The following SRGAP3 variants were observed in gnomAD, a reference collection of about 807,000 sequenced individuals.
SRGAP3 encodes SLIT-ROBO Rho GTPase-activating protein 3.
SRGAP3 carries 39 observed loss-of-function variants against 121.1 expected under a neutral mutation model. The observed-to-expected ratio is 0.32, with a 90% CI of 0.25 to 0.42. SRGAP3 has a LOEUF of 0.42. Ranked by LOEUF, SRGAP3 falls within the 10% of genes least tolerant of loss-of-function variation. The pLI is 1.00. For synonymous variants in SRGAP3, 601 were observed against 570.0 expected (o/e 1.05, Z -0.77); for missense variants, 1,213 against 1,470.6 (o/e 0.82, Z 2.86).
At chr3:9,352,707 G>C (rs547015934) in intron 1 of SRGAP3, among the ~76,000 whole-genome samples, 4 of 152,260 alleles carry the variant, frequency 2.6e-5, no homozygotes, top group South Asian at 2.1e-4. Flanking sequence ...CTGCAGCTGG[G>C]GTCAGGCCAC....
At chr3:9,049,635 G>C (rs1330395834) in intron 9 of SRGAP3, among the ~76,000 whole-genome samples, 3 of 152,162 alleles carry the variant, frequency 2.0e-5, no homozygotes, top group African/African-American at 2.4e-5. Context: ...AACCAGCTGG[G>C]GAGACTGTCA....
At chr3:9,092,761 A>C (rs1346955353) in intron 3 of SRGAP3, among the ~76,000 whole-genome samples, 1 of 152,190 alleles carries the variant, frequency 6.6e-6, no homozygotes, top group Non-Finnish European at 1.5e-5. Context: ...TAAATGTCAG[A>C]TAACATACAG....
chr3:9,287,241 C>G (rs1299013547), intron 3 of SRGAP3, among the ~76,000 whole-genome samples: 3 of 152,214 alleles, frequency 2.0e-5, no homozygotes, highest in South Asian at 4.2e-4. Flanking sequence ...ATCCTCCCAC[C>G]TCACCCTCGT....
At chr3:9,256,779 T>C (rs995725191) in intron 3 of SRGAP3, 1 of 398,604 alleles carries the variant, frequency 2.5e-6, no homozygotes, top group Admixed American at 4.4e-5. Flanking sequence ...ATTCTGCCCC[T>C]GTGGAGGAGA....
intron 1 of SRGAP3, among the ~76,000 whole-genome samples, chr3:9,232,130 A>T (rs898905057): frequency 6.6e-6 from 1 of 152,226 alleles, no homozygotes; most frequent in East Asian, 1.9e-4. Flanking sequence ...GTTTCATTTC[A>T]GCAATCATCC....
intron 3 of SRGAP3, among the ~76,000 whole-genome samples, chr3:9,283,052 C>T (rs111745225): frequency 0.026 from 3,960 of 151,182 alleles, 162 homozygotes; most frequent in African/African-American, 0.09. Flanking sequence ...GCGATTCTCC[C>T]GCCTCAGCCT....
At chr3:9,089,127 G>A (rs978924970) in intron 3 of SRGAP3, among the ~76,000 whole-genome samples, 3 of 151,958 alleles carry the variant, frequency 2.0e-5, no homozygotes, top group Admixed American at 1.3e-4. Flanking sequence ...AATGAGACAC[G>A]GTCCCTGCTC....
intron 1 of SRGAP3, among the ~76,000 whole-genome samples, chr3:9,344,327 T>A (rs1211494207): frequency 6.6e-6 from 1 of 152,148 alleles, no homozygotes; most frequent in Non-Finnish European, 1.5e-5. Flanking sequence ...TTGTGGTGGG[T>A]GCCTGTAATT....
At chr3:9,182,546 A>G (rs1342493310) in intron 1 of SRGAP3, among the ~76,000 whole-genome samples, 7 of 152,206 alleles carry the variant, frequency 4.6e-5, no homozygotes, top group Admixed American at 4.6e-4. Flanking sequence ...CAAAACCATG[A>G]GACAATACAT....
chr3:9,022,054 C>T (rs1209233343), intron 14 of SRGAP3, among the ~76,000 whole-genome samples: 5 of 150,840 alleles, frequency 3.3e-5, no homozygotes, highest in Middle Eastern at 3.5e-3. Context: ...ACTGGCCAGG[C>T]GCAGTGGCTC....
At chr3:9,210,073 T>C (rs1001771127) in intron 1 of SRGAP3, among the ~76,000 whole-genome samples, 4 of 151,772 alleles carry the variant, frequency 2.6e-5, no homozygotes, top group Non-Finnish European at 5.9e-5. Flanking sequence ...CGTTGTGTGA[T>C]TCCATTTATA....
At chr3:9,011,620 C>G (rs759345810) in intron 17 of SRGAP3, among the ~76,000 whole-genome samples, 1 of 152,232 alleles carries the variant, frequency 6.6e-6, no homozygotes, top group East Asian at 1.9e-4. Flanking sequence ...TTCCCTAGAT[C>G]GGCTCAGGGA....
chr3:9,350,224 C>G (rs566275167), intron 1 of SRGAP3, among the ~76,000 whole-genome samples: 1 of 152,314 alleles, frequency 6.6e-6, no homozygotes, highest in South Asian at 2.1e-4. Flanking sequence ...CACTGCACAC[C>G]TTGTGTGTGC....
At chr3:9,177,103 A>C (rs750621177) in intron 1 of SRGAP3, among the ~76,000 whole-genome samples, 11 of 152,156 alleles carry the variant, frequency 7.2e-5, no homozygotes, top group Non-Finnish European at 1.5e-4. Context: ...TATGCAACTA[A>C]AACTTCAGGA....
chr3:9,357,432 T>C (rs1411394928), intron 1 of SRGAP3, among the ~76,000 whole-genome samples: 1 of 151,926 alleles, frequency 6.6e-6, no homozygotes, highest in Admixed American at 6.6e-5. Context: ...CAAAAGTCCA[T>C]CCATATTGTA....
chr3:9,175,968 C>G (rs1951164607), intron 1 of SRGAP3, among the ~76,000 whole-genome samples: 1 of 152,196 alleles, frequency 6.6e-6, no homozygotes, highest in Non-Finnish European at 1.5e-5. Context: ...GTCACCCAGG[C>G]TGGAGTGCGA....
chr3:9,116,407 G>A (rs1387649905), intron 2 of SRGAP3, among the ~76,000 whole-genome samples: 1 of 152,188 alleles, frequency 6.6e-6, no homozygotes, highest in Non-Finnish European at 1.5e-5. Context: ...CCAGAGAGAG[G>A]GAGACTAGAA....
chr3:8,996,228 G>A (rs925777425), intron 18 of SRGAP3, among the ~76,000 whole-genome samples: 6 of 152,208 alleles, frequency 3.9e-5, no homozygotes, highest in Non-Finnish European at 8.8e-5. Flanking sequence ...CCCTATAAGA[G>A]TTACACACAT....
At chr3:9,327,344 T>C (rs1955537638) in intron 2 of SRGAP3, among the ~76,000 whole-genome samples, 1 of 150,210 alleles carries the variant, frequency 6.7e-6, no homozygotes, top group Admixed American at 6.5e-5. Flanking sequence ...ATTAATGTTC[T>C]ATAAACCTTC....
Sources: allele counts gnomAD v4.1 joint callset (sites outside exome capture counted in the v4.1 genomes callset), GRCh38; gene constraint gnomAD v4.1.1; transcripts MANE v1.5; gene names NCBI Gene and HGNC (gene_info 2026-07-23, HGNC 2026-07-21).